The following CNTNAP2 variants were observed in gnomAD, a reference collection of about 807,000 sequenced individuals.
CNTNAP2 encodes the protein contactin associated protein 2.
In CNTNAP2, 98 loss-of-function variants were observed where a neutral mutation model predicts 155.2. The ratio of observed to expected loss-of-function variants is 0.63; its 90% CI spans 0.54 to 0.75. The LOEUF (loss-of-function observed/expected upper bound fraction) is 0.75. Ranked by LOEUF, CNTNAP2 falls within the 30% of genes least tolerant of loss-of-function variation. CNTNAP2 has a pLI of 0.00. For synonymous variants in CNTNAP2, 651 were observed against 631.2 expected, an observed-to-expected ratio of 1.03 and a Z score of -0.47; for missense variants, 1,727 against 1,688.1, an observed-to-expected ratio of 1.02 and a Z score of -0.40.
chr7:147,563,407 G>A (rs1800102674), intron 12 of CNTNAP2, among the ~76,000 whole-genome samples: 1 of 152,020 alleles, frequency 6.6e-6, no homozygotes, highest in Non-Finnish European at 1.5e-5. Context: ...GAGGTAGGTG[G>A]ATCATGAGGT....
intron 3 of CNTNAP2, among the ~76,000 whole-genome samples, chr7:146,943,575 A>G (rs1584738273): frequency 6.6e-6 from 1 of 152,336 alleles, no homozygotes; most frequent in East Asian, 1.9e-4. Flanking sequence ...ACTCTAAGTT[A>G]CATCATCTGT....
At chr7:147,798,090 G>A (rs1294259607) in intron 13 of CNTNAP2, among the ~76,000 whole-genome samples, 1 of 152,132 alleles carries the variant, frequency 6.6e-6, no homozygotes, top group Non-Finnish European at 1.5e-5. Context: ...AATGAATAAT[G>A]TGCTCCTTTA....
intron 11 of CNTNAP2, among the ~76,000 whole-genome samples, chr7:147,512,060 CTG>C (rs1176073428): frequency 6.6e-5 from 10 of 152,152 alleles, no homozygotes; most frequent in Non-Finnish European, 1.2e-4. Context: ...AAGATACAAA[CTG>C]GACACATTTT....
At chr7:147,867,627 C>A (rs1172835114) in intron 13 of CNTNAP2, among the ~76,000 whole-genome samples, 1 of 152,152 alleles carries the variant, frequency 6.6e-6, no homozygotes, top group East Asian at 1.9e-4. Context: ...TCCCATGTTT[C>A]TTGGAGGCTT....
chr7:148,062,811 G>A (rs1387319805), intron 15 of CNTNAP2, among the ~76,000 whole-genome samples: 1 of 152,110 alleles, frequency 6.6e-6, no homozygotes, highest in Admixed American at 6.5e-5. Flanking sequence ...TGTAAGAGCA[G>A]AGCTTAATGA....
intron 1 of CNTNAP2, among the ~76,000 whole-genome samples, chr7:146,398,183 A>ATTTTTTTTTTTT (rs1795660452): frequency 1.2e-5 from 1 of 83,680 alleles, no homozygotes; most frequent in African/African-American, 7.2e-5. Flanking sequence ...CCGGCCCCAA[A>ATTTTTTTTTTTT]CTTTTTTTTT....
chr7:146,162,517 T>G (rs553353165), intron 1 of CNTNAP2, among the ~76,000 whole-genome samples: 85 of 152,156 alleles, frequency 5.6e-4, no homozygotes, highest in East Asian at 1.7e-3. Context: ...ACAGGTGCTG[T>G]AGAGGATGTG....
At chr7:147,293,361 C>G (rs551269137) in intron 8 of CNTNAP2, among the ~76,000 whole-genome samples, 22 of 152,114 alleles carry the variant, frequency 1.4e-4, no homozygotes, top group Non-Finnish European at 3.1e-4. Flanking sequence ...CAAAATGGAT[C>G]CATTTTCTTA....
intron 11 of CNTNAP2, among the ~76,000 whole-genome samples, chr7:147,510,872 A>ATATATATATATATATAT (rs2116688943): frequency 2.4e-4 from 6 of 24,820 alleles, no homozygotes; most frequent in East Asian, 8.8e-4. Flanking sequence ...TATATATATA[A>ATATATATATATATATAT]TGCTTCCTCA....
At chr7:148,010,164 G>A (rs1802051712) in intron 15 of CNTNAP2, among the ~76,000 whole-genome samples, 1 of 151,608 alleles carries the variant, frequency 6.6e-6, no homozygotes, top group Admixed American at 6.6e-5. Context: ...CTTGATTAAG[G>A]GTGAGACTGA....
Position 146,884,770 on chromosome 7 carries a change from G to A in CNTNAP2, c.402+44866G>A, listed in dbSNP as rs529614072. On this transcript the variant is annotated intron_variant, in intron 3 of 23. Transcript: ENST00000361727. Reference sequence around the variant, plus strand: ...AATTAGTCAAGCAAAATTAGTCAAGGAAGGGAGGGGAAGTAGAGAGTAAAT... The same window carrying A: ...AATTAGTCAAGCAAAATTAGTCAAGAAAGGGAGGGGAAGTAGAGAGTAAAT... 2.2e-4 allele frequency among the ~76,000 whole-genome samples: 34 copies of A among 152,244 alleles called. No homozygotes were observed. The South Asian group carries it at 5.8e-3, about 26-fold the overall frequency.
chr7:147,752,236 A>T (rs1797147320), intron 13 of CNTNAP2, among the ~76,000 whole-genome samples: 1 of 152,226 alleles, frequency 6.6e-6, no homozygotes, highest in Non-Finnish European at 1.5e-5. Flanking sequence ...GGATACTTTC[A>T]GAATGTATAG....
chr7:146,337,624 T>TTTTTG (rs10643366), intron 1 of CNTNAP2, among the ~76,000 whole-genome samples: 10,927 of 151,730 alleles, frequency 0.072, 1,102 homozygotes, highest in African/African-American at 0.23. Flanking sequence ...TACCTGGCTT[T>TTTTTG]TTTGTTTGTT....
At chr7:146,564,549 C>A (rs1371786444) in intron 1 of CNTNAP2, among the ~76,000 whole-genome samples, 1 of 147,332 alleles carries the variant, frequency 6.8e-6, no homozygotes, top group African/African-American at 2.5e-5. Context: ...ATGTAGTTTG[C>A]AAATAAATAT....
At chr7:147,853,708 A>C (rs1348602829) in intron 13 of CNTNAP2, among the ~76,000 whole-genome samples, 1 of 152,220 alleles carries the variant, frequency 6.6e-6, no homozygotes, top group Non-Finnish European at 1.5e-5. Flanking sequence ...AGGCTATATT[A>C]GCTGTTGGTT....
chr7:148,401,205 T>C (rs1799575058), intron 22 of CNTNAP2, among the ~76,000 whole-genome samples: 1 of 152,156 alleles, frequency 6.6e-6, no homozygotes, highest in Non-Finnish European at 1.5e-5. Flanking sequence ...CCCTGAGAAC[T>C]ACAGTAAGAT....
intron 18 of CNTNAP2, among the ~76,000 whole-genome samples, chr7:148,214,499 T>C (rs989144592): frequency 2.6e-5 from 4 of 152,240 alleles, no homozygotes; most frequent in Non-Finnish European, 4.4e-5. Context: ...ATGGATTAAG[T>C]AGCTGTTCAA....
At chr7:147,632,958 C>G (rs11975651) in intron 12 of CNTNAP2, among the ~76,000 whole-genome samples, 29,959 of 152,088 alleles carry the variant, frequency 0.2, 3,122 homozygotes, top group Middle Eastern at 0.24. Flanking sequence ...CAAGAGGAAG[C>G]AGAGCATAAA....
intron 10 of CNTNAP2, among the ~76,000 whole-genome samples, chr7:147,453,012 A>T (rs964151809): frequency 6.6e-6 from 1 of 151,968 alleles, no homozygotes; most frequent in Non-Finnish European, 1.5e-5. Context: ...AGAAAGGAAG[A>T]AAAAAGAGAA....
Sources: gnomAD v4.1 joint callset for allele counts (sites outside exome capture counted in the v4.1 genomes callset) on GRCh38, gnomAD v4.1.1 for gene constraint, MANE v1.5 for transcripts, NCBI Gene and HGNC (gene_info 2026-07-23, HGNC 2026-07-21) for gene names.